Variants in ZDHHC14 observed in about 807,000 individuals in gnomAD.
The protein encoded by ZDHHC14 is palmitoyltransferase ZDHHC14.
A neutral mutation model predicts 47.7 loss-of-function variants in ZDHHC14; 16 were observed. The ratio of observed to expected loss-of-function variants is 0.34; its 90% CI spans 0.23 to 0.51. The LOEUF (loss-of-function observed/expected upper bound fraction) is 0.51, where lower values mean the gene tolerates loss of function less well. Ranked by LOEUF, ZDHHC14 falls within the 20% of genes least tolerant of loss-of-function variation. The probability of loss-of-function intolerance (pLI) is 0.97; values close to 1 mark genes in which losing one functional copy is unlikely to be tolerated. For synonymous variants in ZDHHC14, 293 were observed against 278.9 expected, an observed-to-expected ratio of 1.05 and a Z score of -0.50; for missense variants, 515 against 662.5, an observed-to-expected ratio of 0.78 and a Z score of 2.44.
At chr6:157,422,772 A>C (rs1191911047) in intron 1 of ZDHHC14, among the ~76,000 whole-genome samples, 3 of 151,778 alleles carry the variant, frequency 2.0e-5, no homozygotes, top group African/African-American at 7.3e-5. Context: ...ATTTGTATCG[A>C]CCCCTTCTGT....
intron 4 of ZDHHC14, chr6:157,631,334 C>G (rs1018529615): frequency 1.3e-5 from 2 of 152,236 alleles, no homozygotes; most frequent in Non-Finnish European, 2.9e-5. Flanking sequence ...TTCTTCTACA[C>G]AAAAGTATTA....
intron 1 of ZDHHC14, among the ~76,000 whole-genome samples, chr6:157,496,372 A>ACCC (rs367891245): frequency 2.7e-5 from 4 of 150,446 alleles, no homozygotes; most frequent in African/African-American, 9.8e-5. Context: ...GAGGAAGTTA[A>ACCC]CCCCCCCCAT....
intron 1 of ZDHHC14, among the ~76,000 whole-genome samples, chr6:157,432,567 G>A (rs1302510500): frequency 1.3e-5 from 2 of 152,144 alleles, no homozygotes; most frequent in African/African-American, 4.8e-5. Context: ...TCGTTGCCTG[G>A]TAGCCTTCCA....
intron 1 of ZDHHC14, among the ~76,000 whole-genome samples, chr6:157,435,081 C>T (rs2114785246): frequency 6.6e-6 from 1 of 152,342 alleles, no homozygotes; most frequent in South Asian, 2.1e-4. Flanking sequence ...AAATTGTTTT[C>T]ACTCCGGAAG....
intron 3 of ZDHHC14, among the ~76,000 whole-genome samples, chr6:157,619,653 T>G (rs2114936303): frequency 6.6e-6 from 1 of 152,172 alleles, no homozygotes; most frequent in South Asian, 2.1e-4. Context: ...AGCATAAAGG[T>G]CACAGCAGTG....
chr6:157,579,752 T>G (rs912067685), intron 2 of ZDHHC14, among the ~76,000 whole-genome samples: 9 of 152,226 alleles, frequency 5.9e-5, no homozygotes, highest in African/African-American at 2.2e-4. Flanking sequence ...CCTGAAACTT[T>G]GCTGAAGTTG....
chr6:157,612,824 C>T (rs891883583), intron 3 of ZDHHC14, among the ~76,000 whole-genome samples: 6 of 136,098 alleles, frequency 4.4e-5, no homozygotes, highest in South Asian at 2.4e-4. Context: ...ATGTCTCCAT[C>T]GTAGTCTTCT....
At chr6:157,539,013 C>T (rs746780769) in intron 1 of ZDHHC14, among the ~76,000 whole-genome samples, 5 of 152,012 alleles carry the variant, frequency 3.3e-5, no homozygotes, top group Non-Finnish European at 7.4e-5. Context: ...TTGGTAGGAA[C>T]GGCGGAAGCA....
chr6:157,473,304 A>G (rs1364299569), intron 1 of ZDHHC14, among the ~76,000 whole-genome samples: 3 of 152,182 alleles, frequency 2.0e-5, no homozygotes, highest in African/African-American at 7.2e-5. Context: ...CCTTTGACCA[A>G]CATTTCCCCA....
At chr6:157,653,311 G>A (rs1355532167) in intron 7 of ZDHHC14, among the ~76,000 whole-genome samples, 2 of 152,168 alleles carry the variant, frequency 1.3e-5, no homozygotes, top group Non-Finnish European at 2.9e-5. Context: ...TTGGCCTGGC[G>A]AGGAGGCAGG....
chr6:157,464,632 T>C (rs1275972098), intron 1 of ZDHHC14, among the ~76,000 whole-genome samples: 1 of 152,228 alleles, frequency 6.6e-6, no homozygotes, highest in Non-Finnish European at 1.5e-5. Context: ...AATGAATCTA[T>C]GAAAATTAAT....
intron 3 of ZDHHC14, among the ~76,000 whole-genome samples, chr6:157,610,888 A>G (rs185510031): frequency 1.8e-3 from 270 of 152,344 alleles, no homozygotes; most frequent in African/African-American, 6.1e-3. Context: ...TAAGTGTAGA[A>G]TGAGAAATAG....
chr6:157,649,596 C>A (rs985866043), intron 7 of ZDHHC14, among the ~76,000 whole-genome samples: 7 of 152,208 alleles, frequency 4.6e-5, no homozygotes, highest in African/African-American at 1.7e-4. Context: ...GACCCCTGGG[C>A]CCAGACCCCT....
chr6:157,396,731 T>C (rs1395432085), intron 1 of ZDHHC14, among the ~76,000 whole-genome samples: 1 of 152,254 alleles, frequency 6.6e-6, no homozygotes, highest in Non-Finnish European at 1.5e-5. Flanking sequence ...AGAGGTATGC[T>C]CTTGTCTTCT....
intron 1 of ZDHHC14, among the ~76,000 whole-genome samples, chr6:157,424,447 A>G (rs1778175607): frequency 6.6e-6 from 1 of 152,186 alleles, no homozygotes; most frequent in South Asian, 2.1e-4. Context: ...TTTGAATCAA[A>G]AGGGGGACTG....
chr6:157,445,167 C>CT (rs200933813), intron 1 of ZDHHC14, among the ~76,000 whole-genome samples: 191 of 148,998 alleles, frequency 1.3e-3, no homozygotes, highest in Admixed American at 4.3e-3. Context: ...ATCTATCTAT[C>CT]ATCATCATCA....
intron 1 of ZDHHC14, among the ~76,000 whole-genome samples, chr6:157,486,731 G>A (rs1349001024): frequency 6.6e-6 from 1 of 152,212 alleles, no homozygotes; most frequent in African/African-American, 2.4e-5. Context: ...GTGCTGGAAG[G>A]GAAGTGTCAA....
intron 1 of ZDHHC14, among the ~76,000 whole-genome samples, chr6:157,472,365 T>C (rs1289115619): frequency 6.6e-6 from 1 of 152,056 alleles, no homozygotes; most frequent in African/African-American, 2.4e-5. Flanking sequence ...TGTGGAGGAC[T>C]GGGATGGTCC....
chr6:157,522,789 A>T (rs1395628964), intron 1 of ZDHHC14, among the ~76,000 whole-genome samples: 17 of 6,316 alleles, frequency 2.7e-3, no homozygotes, highest in South Asian at 0.019. Flanking sequence ...CTCTCTTTCC[A>T]TTCCTCCCTC....
Sources: allele counts gnomAD v4.1 joint callset (sites outside exome capture counted in the v4.1 genomes callset), GRCh38; gene constraint gnomAD v4.1.1; transcripts MANE v1.5; gene names NCBI Gene and HGNC (gene_info 2026-07-23, HGNC 2026-07-21).